SLCO3A1: variants seen among roughly 807,000 people sequenced by gnomAD.
SLCO3A1 encodes the protein PGE1 transporter.
A neutral mutation model predicts 63.1 loss-of-function variants in SLCO3A1; 27 were observed. The observed-to-expected ratio is 0.43, with a 90% CI of 0.32 to 0.59. The LOEUF (loss-of-function observed/expected upper bound fraction) is 0.59. SLCO3A1 is among the 20% of genes least tolerant of loss of function. The probability of loss-of-function intolerance (pLI) is 0.09; values close to 1 mark genes in which losing one functional copy is unlikely to be tolerated. For missense variants in SLCO3A1, 773 were observed against 945.8 expected, an observed-to-expected ratio of 0.82 and a Z score of 2.40; for synonymous variants, 473 against 409.9, an observed-to-expected ratio of 1.15 and a Z score of -1.86.
In SLCO3A1 at chr15:92,080,984, G is replaced by GTA. The variant is rs1404140456; in HGVS notation, c.647-13895_647-13894dup. Among the ~76,000 whole-genome samples the GTA allele has an allele frequency of 3.7e-4, 53 of 142,220 alleles. No homozygotes were observed. The Middle Eastern group carries it at 0.011, about 28-fold the overall frequency. 93.3% of individuals were successfully genotyped at this position (142,220 alleles called of 152,430 possible). ...TGTGTGTGTGTGTGTGTGTGTGTGT[G>GTA]TATGGGGTACGTGAGATTTTTTGAC... is the stretch of plus-strand genomic sequence containing the variant. On this transcript the variant is annotated intron_variant, in intron 2 of 9. Transcript: ENST00000318445.
At chr15:92,097,012 G>T (rs1171254083) in intron 3 of SLCO3A1, among the ~76,000 whole-genome samples, 4 of 152,164 alleles carry the variant, frequency 2.6e-5, no homozygotes, top group Admixed American at 2.6e-4. Context: ...CTGCACCCAA[G>T]GCAGCACAAG....
At chr15:92,072,192 CT>C (rs952748577) in intron 2 of SLCO3A1, among the ~76,000 whole-genome samples, 7 of 140,806 alleles carry the variant, frequency 5.0e-5, no homozygotes, top group African/African-American at 1.6e-4. Flanking sequence ...AACCACCATT[CT>C]TTTTTTTGGT....
intron 7 of SLCO3A1, among the ~76,000 whole-genome samples, chr15:92,145,177 A>C (rs915361460): frequency 1.3e-5 from 2 of 152,144 alleles, no homozygotes; most frequent in African/African-American, 4.8e-5. Context: ...GCTTAGCCCC[A>C]CCGGATTCAT....
chr15:91,915,710 G>A (rs1459989252), intron 1 of SLCO3A1, among the ~76,000 whole-genome samples: 1 of 152,136 alleles, frequency 6.6e-6, no homozygotes, highest in African/African-American at 2.4e-5. Context: ...AGTGTTTCCG[G>A]AAGAGGGTAG....
At chr15:92,009,172 C>A (rs978310458) in intron 2 of SLCO3A1, among the ~76,000 whole-genome samples, 2 of 152,170 alleles carry the variant, frequency 1.3e-5, no homozygotes, top group South Asian at 2.1e-4. Context: ...TCTGCCGAGC[C>A]GTCCCCTGAG....
chr15:92,094,043 T>A (rs369574707), intron 2 of SLCO3A1, among the ~76,000 whole-genome samples: 5 of 152,242 alleles, frequency 3.3e-5, no homozygotes, highest in African/African-American at 1.2e-4. Context: ...CCTGGAGAAC[T>A]GTCAGTGCTC....
intron 2 of SLCO3A1, among the ~76,000 whole-genome samples, chr15:92,064,354 T>C (rs1247607995): frequency 6.6e-6 from 1 of 152,258 alleles, no homozygotes; most frequent in Non-Finnish European, 1.5e-5. Context: ...CTTTGTCAGA[T>C]GAACAGTTTT....
At chr15:91,857,029 C>CGTGTGTGTGTGT (rs58042356) in intron 1 of SLCO3A1, among the ~76,000 whole-genome samples, 1 of 139,120 alleles carries the variant, frequency 7.2e-6, no homozygotes, top group East Asian at 2.1e-4. Context: ...AAGGAGGACT[C>CGTGTGTGTGTGT]GTGTGTGTGT....
chr15:92,138,582 C>T lies in SLCO3A1; in HGVS notation c.1513-8402C>T, dbSNP rs1456502896. On this transcript the variant is annotated intron_variant, in intron 7 of 9. Transcript: ENST00000318445. ...ACCTTGGGCAGTATGGCCATTTTCA[C>T]GATATTGATTCTTCCTACCCATGAG... Among the ~76,000 whole-genome samples, 480 of 89,202 alleles carry T rather than the reference C, an allele frequency of 5.4e-3. 10 individuals carry two copies. Among genetic ancestry groups the T allele is most frequent in the South Asian group, 0.027 (76 of 2,808 alleles). 58.5% of individuals were successfully genotyped at this position (89,202 alleles called of 152,430 possible). A position where few individuals can be genotyped will look rare whatever the true frequency, so the allele number is the denominator to read the frequency against.
chr15:92,146,639 A>G (rs148474377), intron 7 of SLCO3A1, among the ~76,000 whole-genome samples: 63 of 152,340 alleles, frequency 4.1e-4, no homozygotes, highest in Admixed American at 2.5e-3. Context: ...AGTAATTACA[A>G]TGTTAATTTG....
At chr15:92,116,222 G>A (rs1277716006) in intron 4 of SLCO3A1, among the ~76,000 whole-genome samples, 1 of 152,184 alleles carries the variant, frequency 6.6e-6, no homozygotes, top group Non-Finnish European at 1.5e-5. Flanking sequence ...TTGCACAAAG[G>A]AAATGCTCTG....
intron 8 of SLCO3A1, among the ~76,000 whole-genome samples, chr15:92,150,165 G>T (rs1289193629): frequency 6.6e-6 from 1 of 152,180 alleles, no homozygotes; most frequent in African/African-American, 2.4e-5. Context: ...TTCGAGGGCA[G>T]AAGGGGTCCA....
intron 2 of SLCO3A1, among the ~76,000 whole-genome samples, chr15:92,064,999 A>T (rs1343289678): frequency 6.6e-6 from 1 of 152,258 alleles, no homozygotes; most frequent in Admixed American, 6.5e-5. Flanking sequence ...TTTTAAAAAT[A>T]GCTAGAAGAG....
Position 92,126,157 on chromosome 15 carries a change from C to G in SLCO3A1, c.1271C>G (p.Ala424Gly), listed in dbSNP as rs1248712580. 1 of 1,613,990 alleles carries G rather than the reference C, an allele frequency of 6.2e-7. No individual in the cohort carries two copies. Among genetic ancestry groups the G allele is most frequent in the Middle Eastern group, 1.6e-4 (1 of 6,062 alleles). Residue 424 changes from alanine (A) to glycine (G), a missense_variant, in exon 6 of 10, where the codon GCC becomes GGC. Physicochemically the swap from Ala to Gly is moderately conservative, Grantham distance 60. Coordinates refer to ENST00000318445, the MANE Select transcript of SLCO3A1 (RefSeq NM_013272.4). ...TCTGCCCTGGGGGCCATTCGGATGG[C>G]CATGCTCGTCAACCTGGTGTCCACT... ...SLSALGAIRMAMLVNLVSTAC... is the reference protein window; with the variant it reads ...SLSALGAIRMGMLVNLVSTAC...
At position 91,957,135 on chromosome 15, in the gene SLCO3A1, C is replaced by G. The variant is rs78015657; in HGVS notation, c.646+40677C>G. On this transcript the variant is annotated intron_variant, in intron 2 of 9. Transcript: ENST00000318445. ...ATATATAATATATATAATATATATA[C>G]TATATATTATAATATATATATATAT... Among the ~76,000 whole-genome samples, 21 of 8,080 alleles carry G rather than the reference C, an allele frequency of 2.6e-3. 3 individuals are homozygous for G. The highest frequency in any genetic ancestry group is 0.017 in the African/African-American group (13 of 784). The allele number at this position is 8,080 out of a possible 152,430, so 5.3% of individuals were successfully genotyped here.
intron 2 of SLCO3A1, among the ~76,000 whole-genome samples, chr15:91,928,465 C>T (rs996778665): frequency 2.0e-5 from 3 of 152,120 alleles, no homozygotes; most frequent in Non-Finnish European, 4.4e-5. Flanking sequence ...CTCCGTTATC[C>T]CAAGGGCCTT....
intron 2 of SLCO3A1, among the ~76,000 whole-genome samples, chr15:92,080,169 G>A (rs544134710): frequency 6.6e-6 from 1 of 152,190 alleles, no homozygotes; most frequent in African/African-American, 2.4e-5. Flanking sequence ...TCCTGAAGTC[G>A]TCTAGCTTTG....
intron 2 of SLCO3A1, among the ~76,000 whole-genome samples, chr15:92,002,446 A>G (rs866660237): frequency 1.3e-5 from 2 of 152,220 alleles, no homozygotes; most frequent in Non-Finnish European, 2.9e-5. Flanking sequence ...TTACAAGTCC[A>G]TAAGGCCCAG....
intron 2 of SLCO3A1, among the ~76,000 whole-genome samples, chr15:91,958,481 C>A (rs867510006): frequency 1.2e-4 from 19 of 152,202 alleles, no homozygotes; most frequent in Admixed American, 2.0e-4. Context: ...TAATGCTGGG[C>A]AAGTTAACTT....
Sources: gnomAD v4.1 joint callset for allele counts (sites outside exome capture counted in the v4.1 genomes callset) on GRCh38, gnomAD v4.1.1 for gene constraint, MANE v1.5 for transcripts, NCBI Gene and HGNC (gene_info 2026-07-23, HGNC 2026-07-21) for gene names.